GTF2I: variants seen among roughly 807,000 people sequenced by gnomAD.
GTF2I encodes the protein general transcription factor IIi.
Under a neutral mutation model 67.6 loss-of-function variants are expected in GTF2I, and 12 were observed. The ratio of observed to expected loss-of-function variants is 0.18; its 90% CI spans 0.11 to 0.29. The LOEUF (loss-of-function observed/expected upper bound fraction) is 0.29, where lower values mean the gene tolerates loss of function less well. Among genes scored for constraint, GTF2I ranks in the 10% least tolerant of loss-of-function variants. The pLI is 1.00. For synonymous variants in GTF2I, 149 were observed against 197.0 expected (o/e 0.76, Z 2.04); for missense variants, 271 against 580.1 (o/e 0.47, Z 5.47).
rs587723393 is a variant in GTF2I at position 74,685,744 on chromosome 7, G to T, written c.-5-3380G>T. 4.5e-3 allele frequency among the ~76,000 whole-genome samples: 692 copies of T among 152,122 alleles called. 9 individuals carry two copies. The highest frequency in any genetic ancestry group is 0.016 in the African/African-American group (663 of 41,502). ...AACGTGCCACTGCACTCCAGCCTCG[G>T]CGATAGAGCTAGACTCCGTCTTAAA... On this transcript the variant is annotated intron_variant, in intron 1 of 34. Transcript: ENST00000573035.
intron 6 of GTF2I, among the ~76,000 whole-genome samples, chr7:74,702,814 G>A (rs1172325262): frequency 1.3e-5 from 2 of 150,834 alleles, no homozygotes; most frequent in Admixed American, 6.6e-5. Context: ...GCTTAGTGCA[G>A]CCTCAACCTC....
intron 3 of GTF2I, among the ~76,000 whole-genome samples, chr7:74,698,389 CTTTTTTTTTTTTTTT>C (rs67968753): frequency 5.4e-5 from 3 of 55,890 alleles, no homozygotes; most frequent in South Asian, 9.4e-4. Context: ...CGCACCTGGC[CTTTTTTTTTTTTTTT>C]TTTTTTTTTT....
chr7:74,680,637 G>A (rs997195544), intron 1 of GTF2I, among the ~76,000 whole-genome samples: 5 of 152,104 alleles, frequency 3.3e-5, no homozygotes, highest in Non-Finnish European at 5.9e-5. Flanking sequence ...AGCTAGTAGG[G>A]ATGCTGAGGT....
chr7:74,714,410 A>G (rs146817642), intron 9 of GTF2I, among the ~76,000 whole-genome samples: 1 of 152,274 alleles, frequency 6.6e-6, no homozygotes, highest in African/African-American at 2.4e-5. Flanking sequence ...AGGAAGGTAT[A>G]TAACATTTGG....
chr7:74,705,167 G>T lies in GTF2I; in HGVS notation c.590G>T (p.Gly197Val). 6.3e-7 allele frequency: 1 copy of T among 1,597,636 alleles called. No individual in the cohort carries two copies. Among genetic ancestry groups the T allele is most frequent in the Non-Finnish European group, 8.6e-7 (1 of 1,166,784 alleles). ...AATTTTTTTTTTTTGTATGTAGGTG[G>T]TCGTGTGATGGTAACAGATGCTGAC... ...PFLEPKKHVG[G>V]RVMVTDADRS... Residue 197 changes from glycine (G) to valine (V), a missense_variant, in exon 7 of 35, where the codon GGT becomes GTT. This residue lies in a region of GTF2I where 124 missense variants were observed against 147.0 expected (regional missense o/e 0.84). Coordinates refer to ENST00000573035, the MANE Select transcript of GTF2I (RefSeq NM_032999.4).
intron 1 of GTF2I, among the ~76,000 whole-genome samples, chr7:74,668,277 T>C (rs1554389351): frequency 6.6e-6 from 1 of 151,110 alleles, no homozygotes; most frequent in African/African-American, 2.4e-5. Flanking sequence ...CTCCTTCTTA[T>C]TTAATCCTTC....
At chr7:74,662,546 A>C (rs1804613298) in intron 1 of GTF2I, among the ~76,000 whole-genome samples, 2 of 48,276 alleles carry the variant, frequency 4.1e-5, no homozygotes, top group African/African-American at 8.8e-5. Context: ...TTTTTGAGAC[A>C]CAGTCTTGCT....
intron 6 of GTF2I, among the ~76,000 whole-genome samples, chr7:74,702,951 G>A (rs1473606347): frequency 6.6e-6 from 1 of 151,850 alleles, no homozygotes; most frequent in African/African-American, 2.4e-5. Context: ...TGGCCAGGCT[G>A]GTCTGGAACT....
intron 1 of GTF2I, among the ~76,000 whole-genome samples, chr7:74,661,322 A>G (rs1804469973): frequency 6.6e-6 from 1 of 152,182 alleles, no homozygotes; most frequent in South Asian, 2.1e-4. Flanking sequence ...TTTGAGAACC[A>G]TTCACAATGG....
chr7:74,685,849 C>T (rs963465877), intron 1 of GTF2I, among the ~76,000 whole-genome samples: 1 of 151,180 alleles, frequency 6.6e-6, no homozygotes, highest in Non-Finnish European at 1.5e-5. Context: ...GTCAGGAGAT[C>T]GATACCATCC....
rs587733951 is a variant in GTF2I at position 74,725,953 on chromosome 7, T to G, written c.944-2833T>G. Among the ~76,000 whole-genome samples, 12 of 152,202 alleles carry G rather than the reference T, an allele frequency of 7.9e-5. No homozygotes were observed. The East Asian group carries it at 1.7e-3, about 22-fold the overall frequency. On this transcript the variant is annotated intron_variant, in intron 12 of 34. Transcript: ENST00000573035. ...TTTGTGTGACTGAAAAAGTGAAGTC[T>G]TTTCAGTAAGGAAAACCTGTCTTCC...
chr7:74,662,205 T>C (rs1804558374), intron 1 of GTF2I, among the ~76,000 whole-genome samples: 2 of 1,984 alleles, frequency 1.0e-3, no homozygotes, highest in Non-Finnish European at 1.6e-3. Context: ...TTTTTCTTTC[T>C]TTTTTTTTTT....
chr7:74,709,311 C>T (rs1052878213), intron 8 of GTF2I, among the ~76,000 whole-genome samples: 32 of 152,202 alleles, frequency 2.1e-4, no homozygotes, highest in African/African-American at 7.2e-4. Flanking sequence ...TGCAGTCGTG[C>T]GATCTCGGCT....
At chr7:74,667,518 T>C (rs1241599928) in intron 1 of GTF2I, among the ~76,000 whole-genome samples, 2 of 152,038 alleles carry the variant, frequency 1.3e-5, no homozygotes, top group Non-Finnish European at 2.9e-5. Context: ...CATTTTAACC[T>C]TTTTTTGTGG....
At chr7:74,700,550 T>G in intron 5 of GTF2I, 56 bp from the exon 6 acceptor site, 1 of 1,603,082 alleles carries the variant, frequency 6.2e-7, no homozygotes, top group Non-Finnish European at 8.5e-7. Flanking sequence ...AAATGTATGC[T>G]TTACAATAAT....
At chr7:74,671,356 G>C (rs1805436524) in intron 1 of GTF2I, among the ~76,000 whole-genome samples, 1 of 151,714 alleles carries the variant, frequency 6.6e-6, no homozygotes, top group African/African-American at 2.4e-5. Flanking sequence ...CAAAGTGCTG[G>C]GATTATAGGC....
chr7:74,662,070 A>G (rs896502367), intron 1 of GTF2I, among the ~76,000 whole-genome samples: 2 of 152,028 alleles, frequency 1.3e-5, no homozygotes, highest in Admixed American at 6.6e-5. Context: ...CCTCTGCCAC[A>G]TGCCCCTCCA....
chr7:74,681,842 G>A (rs1229184235), intron 1 of GTF2I, among the ~76,000 whole-genome samples: 1 of 152,116 alleles, frequency 6.6e-6, no homozygotes, highest in Non-Finnish European at 1.5e-5. Flanking sequence ...AACCCAGGAG[G>A]TGGAGGTTGC....
Position 74,685,977 on chromosome 7 carries a change from C to T in GTF2I, c.-5-3147C>T, listed in dbSNP as rs587632021. 4.6e-5 allele frequency among the ~76,000 whole-genome samples: 7 copies of T among 152,204 alleles called. No homozygotes were observed. The East Asian group carries it at 1.2e-3, about 25-fold the overall frequency. On this transcript the variant is annotated intron_variant, in intron 1 of 34. Coordinates refer to ENST00000573035, the MANE Select transcript of GTF2I (RefSeq NM_032999.4). ...CTGAGGTGGGAGAATGGCGTGAACC[C>T]GGGAGGCGGAGCTTGCAGTGAGCCG... is the stretch of plus-strand genomic sequence containing the variant.
Sources: gnomAD v4.1 joint callset for allele counts (sites outside exome capture counted in the v4.1 genomes callset) on GRCh38, gnomAD v4.1.1 for gene constraint, gnomAD v4.1.1 regional missense constraint, MANE v1.5 for transcripts, NCBI Gene and HGNC (gene_info 2026-07-23, HGNC 2026-07-21) for gene names.